The following COL14A1 variants were observed in gnomAD, a reference collection of about 807,000 sequenced individuals.
COL14A1 encodes the protein collagen type XIV alpha 1 chain, also known as collagen alpha-1(XIV) chain.
In COL14A1, 136 loss-of-function variants were observed where a neutral mutation model predicts 230.3. The ratio of observed to expected loss-of-function variants is 0.59; its 90% CI spans 0.51 to 0.68. The LOEUF is 0.68. Ranked by LOEUF, COL14A1 falls within the 30% of genes least tolerant of loss-of-function variation. The pLI is 0.00. For missense variants in COL14A1, 1,976 were observed against 2,215.8 expected (o/e 0.89, Z 2.17); for synonymous variants, 792 against 784.1 (o/e 1.01, Z -0.17).
At position 120,373,271 on chromosome 8, in the gene COL14A1, C is replaced by G. The variant is rs563686673; in HGVS notation, c.*2040C>G. Reference sequence around the variant, plus strand: ...ATCATTCTTGAGTTGTGCAAATACACTTGGCTTTGATTTCACTTGGTGATC... The same window carrying G: ...ATCATTCTTGAGTTGTGCAAATACAGTTGGCTTTGATTTCACTTGGTGATC... On this transcript the variant is annotated 3_prime_UTR_variant, in exon 48 of 48. Coordinates refer to ENST00000297848, the MANE Select transcript of COL14A1 (RefSeq NM_021110.4). 1.3e-5 allele frequency among the ~76,000 whole-genome samples: 2 copies of G among 152,134 alleles called. No homozygotes were observed.
intron 5 of COL14A1, among the ~76,000 whole-genome samples, chr8:120,172,246 G>A (rs1453436658): frequency 6.6e-6 from 1 of 152,072 alleles, no homozygotes; most frequent in Non-Finnish European, 1.5e-5. Flanking sequence ...TGCGTCCTGG[G>A]TTCTAATGAG....
chr8:120,370,690 A>G, intron 47 of COL14A1: 1 of 1,430,638 alleles, frequency 7.0e-7, no homozygotes, highest in Admixed American at 2.2e-5. Context: ...CAGCTTCATA[A>G]TAAAGTTACT....
chr8:120,370,285 CT>C (rs1823541795), intron 47 of COL14A1: 1 of 1,572,216 alleles, frequency 6.4e-7, no homozygotes, highest in Admixed American at 1.7e-5. Context: ...GTGTTTTTCT[CT>C]GTTCATCTTT....
chr8:120,205,975 A>G (rs1817416888), intron 9 of COL14A1, among the ~76,000 whole-genome samples: 1 of 152,196 alleles, frequency 6.6e-6, no homozygotes, highest in South Asian at 2.1e-4. Flanking sequence ...ATTTGCTTTA[A>G]CATGTGTAAC....
At chr8:120,340,555 TC>T (rs1272855061) in intron 42 of COL14A1, among the ~76,000 whole-genome samples, 28 of 152,338 alleles carry the variant, frequency 1.8e-4, no homozygotes, top group African/African-American at 6.3e-4. Flanking sequence ...AAAATGTTGT[TC>T]AATGAACATT....
chr8:120,363,035 T>C (rs1823278703), intron 45 of COL14A1, among the ~76,000 whole-genome samples: 1 of 152,206 alleles, frequency 6.6e-6, no homozygotes, highest in South Asian at 2.1e-4. Context: ...ACAAGGAACT[T>C]GTTAGAAAAA....
chr8:120,131,086 A>G (rs1182347126), intron 1 of COL14A1, among the ~76,000 whole-genome samples: 2 of 152,186 alleles, frequency 1.3e-5, no homozygotes, highest in African/African-American at 4.8e-5. Context: ...TCCATGGTGT[A>G]TATGTACCAC....
At chr8:120,367,427 AAGTT>A (rs1347530557) in intron 46 of COL14A1, among the ~76,000 whole-genome samples, 179 bp downstream of exon 46, 3 of 152,170 alleles carry the variant, frequency 2.0e-5, no homozygotes, top group African/African-American at 4.8e-5. Context: ...CAAGACCAAA[AAGTT>A]AGAGCATATT....
At chr8:120,305,205 C>T (rs1820822451) in intron 36 of COL14A1, among the ~76,000 whole-genome samples, 3 of 152,080 alleles carry the variant, frequency 2.0e-5, no homozygotes, top group Admixed American at 2.0e-4. Flanking sequence ...GTCTCAAACT[C>T]CTAACCTAAG....
At chr8:120,293,285 G>A (rs11785760) in intron 34 of COL14A1, among the ~76,000 whole-genome samples, 73,070 of 151,632 alleles carry the variant, frequency 0.48, 17,932 homozygotes, top group African/African-American at 0.58. Context: ...CTGAGTTACA[G>A]CTTTTATATA....
chr8:120,235,067 T>A (rs1332711490), intron 19 of COL14A1, among the ~76,000 whole-genome samples: 3 of 152,214 alleles, frequency 2.0e-5, no homozygotes, highest in Admixed American at 6.5e-5. Flanking sequence ...CAGGAATTTA[T>A]CCATTTCTTC....
In COL14A1 at chr8:120,300,838, G is replaced by A; in HGVS notation, c.4401+20G>A. ...CCACCAGTAAGTCTTGCTGAGTTCAGCCTTAAATTTTCTTTAATAATATTA... is the reference window on the plus strand; with the variant it reads ...CCACCAGTAAGTCTTGCTGAGTTCAACCTTAAATTTTCTTTAATAATATTA... On this transcript the variant is annotated intron_variant, in intron 36 of 47. Coordinates refer to ENST00000297848, the MANE Select transcript of COL14A1 (RefSeq NM_021110.4). The A allele has an allele frequency of 2.5e-6, 4 of 1,593,064 alleles. No homozygotes were observed. The highest frequency in any genetic ancestry group is 3.4e-6 in the Non-Finnish European group (4 of 1,164,388).
intron 5 of COL14A1, among the ~76,000 whole-genome samples, chr8:120,176,896 T>C (rs1341276103): frequency 1.3e-5 from 2 of 152,186 alleles, no homozygotes; most frequent in Non-Finnish European, 2.9e-5. Flanking sequence ...CTCATTGTTA[T>C]TATAATTATT....
intron 1 of COL14A1, among the ~76,000 whole-genome samples, chr8:120,138,456 T>G (rs1175710069): frequency 6.6e-6 from 1 of 152,218 alleles, no homozygotes; most frequent in Non-Finnish European, 1.5e-5. Flanking sequence ...CTAGTATTCC[T>G]GAATTCTGTT....
chr8:120,214,538 A>G (rs1311690949), intron 13 of COL14A1, among the ~76,000 whole-genome samples: 1 of 152,214 alleles, frequency 6.6e-6, no homozygotes, highest in African/African-American at 2.4e-5. Flanking sequence ...GAATCTGCAG[A>G]AATGCCAATA....
At chr8:120,305,986 G>T (rs1309575119) in intron 36 of COL14A1, among the ~76,000 whole-genome samples, 1 of 152,024 alleles carries the variant, frequency 6.6e-6, no homozygotes, top group Non-Finnish European at 1.5e-5. Context: ...TTACTACCCA[G>T]TATTTTAATA....
chr8:120,240,639 A>G (rs971333572), intron 19 of COL14A1, among the ~76,000 whole-genome samples: 3 of 152,204 alleles, frequency 2.0e-5, no homozygotes, highest in Non-Finnish European at 4.4e-5. Context: ...AAATTTACAC[A>G]AAGAAATGAT....
chr8:120,163,602 A>G (rs1262472482), intron 4 of COL14A1, among the ~76,000 whole-genome samples: 1 of 152,058 alleles, frequency 6.6e-6, no homozygotes, highest in Non-Finnish European at 1.5e-5. Context: ...TGTCTCTACT[A>G]AAAATACAAA....
chr8:120,259,064 T>C (rs1231134438), intron 23 of COL14A1, among the ~76,000 whole-genome samples: 2 of 152,200 alleles, frequency 1.3e-5, no homozygotes, highest in East Asian at 3.9e-4. Flanking sequence ...GTATTATTTA[T>C]TGACAAGGAT....
Sources: allele counts gnomAD v4.1 joint callset (sites outside exome capture counted in the v4.1 genomes callset), GRCh38; gene constraint gnomAD v4.1.1; transcripts MANE v1.5; gene names NCBI Gene and HGNC (gene_info 2026-07-23, HGNC 2026-07-21).